MYRFL: variants seen among roughly 807,000 people sequenced by gnomAD.
MYRFL encodes myelin regulatory factor like.
A neutral mutation model predicts 109.4 loss-of-function variants in MYRFL; 88 were observed. The observed-to-expected ratio is 0.80, with a 90% CI of 0.68 to 0.96. The LOEUF (loss-of-function observed/expected upper bound fraction) is 0.96. Ranked by LOEUF, MYRFL falls within the 40% of genes least tolerant of loss-of-function variation. MYRFL has a pLI of 0.00. For synonymous variants in MYRFL, 324 were observed against 320.9 expected (o/e 1.01, Z -0.10); for missense variants, 957 against 954.9 (o/e 1.00, Z -0.03).
rs76713063 is a variant in MYRFL, at chr12:69,840,223, T to C, written c.46+14660T>C. 5.7e-3 allele frequency among the ~76,000 whole-genome samples: 867 copies of C among 152,356 alleles called. 6 individuals are homozygous for C. The highest frequency in any genetic ancestry group is 0.02 in the African/African-American group (827 of 41,588). On this transcript the variant is annotated intron_variant, in intron 1 of 24. Transcript: ENST00000552032. Reference sequence around the variant, plus strand: ...GCCCACTGCCTTCAGGCTGTCTGAATGTATGTCCAGTTTGCCTTCTCTATA... The same window carrying C: ...GCCCACTGCCTTCAGGCTGTCTGAACGTATGTCCAGTTTGCCTTCTCTATA...
chr12:69,932,862 C>A (rs1047206436), intron 16 of MYRFL, among the ~76,000 whole-genome samples: 1 of 149,350 alleles, frequency 6.7e-6, no homozygotes. Context: ...CTGTGCCTTT[C>A]GTGTGTGTGT....
At chr12:69,943,893 CAAAA>C (rs1955748462) in intron 19 of MYRFL, among the ~76,000 whole-genome samples, 1 of 151,916 alleles carries the variant, frequency 6.6e-6, no homozygotes, top group Admixed American at 6.6e-5. Flanking sequence ...AGACACTTCT[CAAAA>C]GAAGACATTT....
chr12:69,840,790 G>A (rs1487418802), intron 1 of MYRFL, among the ~76,000 whole-genome samples: 1 of 152,144 alleles, frequency 6.6e-6, no homozygotes, highest in Non-Finnish European at 1.5e-5. Context: ...TGTTCTTAGA[G>A]TCCAGCAGCC....
rs74101398 is a variant in MYRFL, at chr12:69,929,169, G to A, written c.1830+1421G>A. ...AACTTAAATTAAAAAACATTAAGTG[G>A]CTCAGTGTCTTGGGTATGTGGGTGG... On this transcript the variant is annotated intron_variant, in intron 15 of 24. Coordinates refer to ENST00000552032, the MANE Select transcript of MYRFL (RefSeq NM_182530.3). Among the ~76,000 whole-genome samples the A allele has an allele frequency of 6.0e-3, 913 of 152,200 alleles. 6 individuals carry two copies. The highest frequency in any genetic ancestry group is 0.021 in the African/African-American group (856 of 41,528).
In MYRFL at chr12:69,850,309, A is replaced by G. The variant is rs931597472; in HGVS notation, c.47-4971A>G. ...ACAATCAGTAGGTAGATAGATGGAT[A>G]GAAATTATCATTATAAGAAATGATC... On this transcript the variant is annotated intron_variant, in intron 1 of 24. Coordinates refer to ENST00000552032, the MANE Select transcript of MYRFL (RefSeq NM_182530.3). Among the ~76,000 whole-genome samples, 9 of 152,244 alleles carry G rather than the reference A, an allele frequency of 5.9e-5. No homozygotes were observed. The South Asian group carries it at 1.7e-3, about 28-fold the overall frequency.
Position 69,855,367 on chromosome 12 carries a change from C to A in MYRFL, c.134C>A (p.Ala45Asp), listed in dbSNP as rs569518406. The A allele has an allele frequency of 1.4e-5, 10 of 702,480 alleles. No individual in the cohort carries two copies. Among genetic ancestry groups the A allele is most frequent in the Non-Finnish European group, 2.3e-5 (9 of 384,672 alleles). The allele number at this position is 702,480 out of a possible 1,614,324, so 43.5% of individuals were successfully genotyped here. Residue 45 changes from alanine (A) to aspartate (D), a missense_variant, in exon 2 of 25, where the codon GCC becomes GAC. Coordinates refer to ENST00000552032, the MANE Select transcript of MYRFL (RefSeq NM_182530.3). ...EFLGNDFDLG[A>D]LQRQLPDTPP... ...CTGGGCAATGACTTTGATTTGGGGG[C>A]CTTGTAAGTAATGAGAGCACTGCTC...
chr12:69,863,155 T>C (rs1326517360), intron 2 of MYRFL, among the ~76,000 whole-genome samples: 8 of 152,142 alleles, frequency 5.3e-5, no homozygotes, highest in African/African-American at 1.9e-4. Flanking sequence ...GGTTTGCCAG[T>C]ATTTTATTGA....
chr12:69,842,594 G>A (rs1019689550), intron 1 of MYRFL, among the ~76,000 whole-genome samples: 32 of 152,198 alleles, frequency 2.1e-4, no homozygotes, highest in African/African-American at 7.5e-4. Context: ...AGTGGGGTCC[G>A]GGAATGGTGT....
At chr12:69,958,107 A>C in intron 23 of MYRFL, 142 bp from the exon 24 acceptor site, 1 of 1,167,002 alleles carries the variant, frequency 8.6e-7, no homozygotes, top group South Asian at 1.6e-5. Flanking sequence ...TGTTGCTAGG[A>C]CTGTTCTAGC....
chr12:69,921,689 C>T (rs1369381411), intron 13 of MYRFL, among the ~76,000 whole-genome samples: 1 of 152,178 alleles, frequency 6.6e-6, no homozygotes. Flanking sequence ...TTCCTCTCCA[C>T]TTTTATTTCC....
intron 19 of MYRFL, among the ~76,000 whole-genome samples, chr12:69,947,582 G>A (rs1243914005): frequency 3.9e-5 from 6 of 152,236 alleles, no homozygotes; most frequent in Non-Finnish European, 7.4e-5. Context: ...TAAGTAGACA[G>A]GAGAGTTAGA....
At chr12:69,958,146 ACTT>A in intron 23 of MYRFL, 100 bp from the exon 24 acceptor site, 1 of 1,197,988 alleles carries the variant, frequency 8.3e-7, no homozygotes. Flanking sequence ...TGATCCCAAT[ACTT>A]CTCCTACAGT....
At chr12:69,905,287 C>T (rs11177953) in intron 11 of MYRFL, among the ~76,000 whole-genome samples, 14,659 of 152,246 alleles carry the variant, frequency 0.096, 943 homozygotes, top group Middle Eastern at 0.15. Flanking sequence ...CACAGAACTT[C>T]ATTTACAAAA....
intron 15 of MYRFL, among the ~76,000 whole-genome samples, chr12:69,931,880 TAA>T (rs1955283328): frequency 2.0e-5 from 3 of 152,218 alleles, no homozygotes; most frequent in Non-Finnish European, 4.4e-5. Flanking sequence ...CTGGAGACTA[TAA>T]TTTACTGATT....
intron 12 of MYRFL, among the ~76,000 whole-genome samples, 158 bp from the exon 13 acceptor site, chr12:69,910,663 A>G (rs970378654): frequency 3.3e-5 from 5 of 152,002 alleles, no homozygotes; most frequent in Non-Finnish European, 4.4e-5. Context: ...GAAAAGAAAA[A>G]ACAGAAAACA....
intron 19 of MYRFL, among the ~76,000 whole-genome samples, chr12:69,941,978 A>G (rs1006859104): frequency 2.0e-5 from 3 of 150,986 alleles, no homozygotes; most frequent in Non-Finnish European, 4.4e-5. Context: ...TCCCAAGACT[A>G]AACCAGGAAG....
intron 2 of MYRFL, among the ~76,000 whole-genome samples, chr12:69,856,074 T>C (rs1446507840): frequency 2.6e-5 from 4 of 152,198 alleles, no homozygotes; most frequent in African/African-American, 9.7e-5. Flanking sequence ...GCCGTTCATT[T>C]GTGATCAGAC....
At position 69,919,308 on chromosome 12, in the gene MYRFL, G is replaced by A. The variant is rs140513165; in HGVS notation, c.1603-7263G>A. Reference sequence around the variant, plus strand: ...CTAGTTCAACTGGAAACTTGTCTCCGTCAAAAGACTCAAGCCCTTTCCACA... The same window carrying A: ...CTAGTTCAACTGGAAACTTGTCTCCATCAAAAGACTCAAGCCCTTTCCACA... On this transcript the variant is annotated intron_variant, in intron 13 of 24. Coordinates refer to ENST00000552032, the MANE Select transcript of MYRFL (RefSeq NM_182530.3). Among the ~76,000 whole-genome samples the A allele has an allele frequency of 4.9e-4, 75 of 152,282 alleles. No homozygotes were observed. The East Asian group carries it at 6.9e-3, about 14-fold the overall frequency.
At chr12:69,860,109 G>C (rs144818358) in intron 2 of MYRFL, among the ~76,000 whole-genome samples, 128 of 151,912 alleles carry the variant, frequency 8.4e-4, no homozygotes, top group African/African-American at 3.0e-3. Flanking sequence ...CCAACACCTG[G>C]GCCCCCCAAC....
Sources: gnomAD v4.1 joint callset for allele counts (sites outside exome capture counted in the v4.1 genomes callset) on GRCh38, gnomAD v4.1.1 for gene constraint, MANE v1.5 for transcripts, NCBI Gene and HGNC (gene_info 2026-07-23, HGNC 2026-07-21) for gene names.